MBTD1: variants seen among roughly 807,000 people sequenced by gnomAD.
The protein encoded by MBTD1 is MBT domain-containing protein 1.
A neutral mutation model predicts 87.8 loss-of-function variants in MBTD1; 24 were observed. The ratio of observed to expected loss-of-function variants is 0.27; its 90% CI spans 0.20 to 0.38. The LOEUF (loss-of-function observed/expected upper bound fraction) is 0.38. Among genes scored for constraint, MBTD1 ranks in the 10% least tolerant of loss-of-function variants. The pLI is 1.00. For missense variants in MBTD1, 436 were observed against 760.2 expected, an observed-to-expected ratio of 0.57 and a Z score of 5.02; for synonymous variants, 237 against 248.6, an observed-to-expected ratio of 0.95 and a Z score of 0.44.
chr17:51,188,540 C>A (rs1406108792), intron 16 of MBTD1, among the ~76,000 whole-genome samples: 3 of 152,096 alleles, frequency 2.0e-5, no homozygotes, highest in East Asian at 1.9e-4. Flanking sequence ...GGTTTTATAG[C>A]CCATCTGGTA....
chr17:51,209,951 G>C (rs938781334), intron 6 of MBTD1, among the ~76,000 whole-genome samples: 1 of 152,072 alleles, frequency 6.6e-6, no homozygotes, highest in Non-Finnish European at 1.5e-5. Context: ...AGAATTTTCT[G>C]GTAGAAAGTA....
chr17:51,179,484 T>TATATATATATATATTTTTA lies in MBTD1; in HGVS notation c.*1091_*1092insTAAAAATATATATATATAT, dbSNP rs60957699. ...ATCCTGAATACAATTAAAGACAATT[T>TATATATATATATATTTTTA]TATATATATATATATATATATATAT... is the stretch of plus-strand genomic sequence containing the variant. On this transcript the variant is annotated 3_prime_UTR_variant, in exon 17 of 17. Transcript: ENST00000586178. 2.8e-4 allele frequency: 10 copies of TATATATATATATATTTTTA among 35,290 alleles called. No homozygotes were observed. Among genetic ancestry groups the TATATATATATATATTTTTA allele is most frequent in the Non-Finnish European group, 4.7e-4 (8 of 17,010 alleles). The allele number at this position is 35,290 out of a possible 1,614,324, so 2.2% of individuals were successfully genotyped here. A position where few individuals can be genotyped will look rare whatever the true frequency, so the allele number is the denominator to read the frequency against.
chr17:51,252,738 A>AG (rs1555700204), intron 2 of MBTD1, among the ~76,000 whole-genome samples: 1 of 151,520 alleles, frequency 6.6e-6, no homozygotes, highest in African/African-American at 2.4e-5. Context: ...TGTCTCAAAA[A>AG]AAAACAAAAC....
chr17:51,211,138 TA>T (rs955340550), intron 6 of MBTD1, among the ~76,000 whole-genome samples: 5 of 45,484 alleles, frequency 1.1e-4, no homozygotes, highest in Non-Finnish European at 1.9e-4. Context: ...CTACATCTCA[TA>T]AAAAAAAAAG....
chr17:51,257,098 A>C (rs186262939), intron 2 of MBTD1, among the ~76,000 whole-genome samples: 182 of 152,362 alleles, frequency 1.2e-3, no homozygotes, highest in Non-Finnish European at 2.1e-3. Context: ...ATCTATGTGC[A>C]ATTTTTGCCT....
chr17:51,223,895 T>C lies in MBTD1; in HGVS notation c.154+1113A>G, dbSNP rs2053062585. Among the ~76,000 whole-genome samples, 4 of 152,192 alleles carry C rather than the reference T, an allele frequency of 2.6e-5. No individual in the cohort carries two copies. The South Asian group carries it at 8.3e-4, about 32-fold the overall frequency. On this transcript the variant is annotated intron_variant, in intron 3 of 16. Transcript: ENST00000586178. ...GTAAGAAAAAGGTTATATAGAGAGATCCAAAGTCCTACATCTTGGGTTTAA... is the reference window on the plus strand; with the variant it reads ...GTAAGAAAAAGGTTATATAGAGAGACCCAAAGTCCTACATCTTGGGTTTAA...
At chr17:51,214,155 C>T (rs2052433293) in intron 6 of MBTD1, among the ~76,000 whole-genome samples, 1 of 149,044 alleles carries the variant, frequency 6.7e-6, no homozygotes, top group African/African-American at 2.5e-5. Context: ...TTTGTAGAGA[C>T]AAGGTCTTGC....
At chr17:51,234,311 T>C (rs2053701873) in intron 2 of MBTD1, among the ~76,000 whole-genome samples, 1 of 148,274 alleles carries the variant, frequency 6.7e-6, no homozygotes, top group Non-Finnish European at 1.5e-5. Context: ...GAAAATCGCT[T>C]GAACCCGGGA....
At chr17:51,217,194 TATA>T in intron 6 of MBTD1, 137 bp downstream of exon 6, 1 of 541,622 alleles carries the variant, frequency 1.8e-6, no homozygotes, top group South Asian at 2.7e-5. Context: ...TATTATTAAG[TATA>T]ATAATAAAAG....
intron 16 of MBTD1, among the ~76,000 whole-genome samples, chr17:51,190,750 A>AAAAAAAT (rs1555677185): frequency 7.1e-4 from 28 of 39,702 alleles, no homozygotes; most frequent in African/African-American, 2.1e-3. Context: ...AAAAAAAAAA[A>AAAAAAAT]ATATATATAT....
chr17:51,253,056 T>C (rs2054887268), intron 2 of MBTD1, among the ~76,000 whole-genome samples: 1 of 152,116 alleles, frequency 6.6e-6, no homozygotes, highest in Non-Finnish European at 1.5e-5. Context: ...TGTTTAATTA[T>C]TGTACTATCA....
At chr17:51,260,443 G>T (rs1330858801), upstream of MBTD1, 3 of 887,540 alleles carry the variant, frequency 3.4e-6, no homozygotes, top group African/African-American at 5.3e-5. Context: ...TACGTAGAGG[G>T]AGGGAGTGCT....
chr17:51,257,017 CAAG>C (rs2055129440), intron 2 of MBTD1, among the ~76,000 whole-genome samples: 1 of 152,102 alleles, frequency 6.6e-6, no homozygotes, highest in Non-Finnish European at 1.5e-5. Context: ...TCCAGCAAAG[CAAG>C]AAGAGAAATC....
At chr17:51,189,973 C>CG (rs1478460679) in intron 16 of MBTD1, among the ~76,000 whole-genome samples, 4 of 152,162 alleles carry the variant, frequency 2.6e-5, no homozygotes, top group Non-Finnish European at 5.9e-5. Flanking sequence ...TGCCTATAAA[C>CG]GAGAGGTCAA....
upstream of MBTD1, chr17:51,260,428 G>T (rs1283014251): frequency 5.1e-6 from 4 of 783,728 alleles, no homozygotes; most frequent in Non-Finnish European, 4.0e-6. Flanking sequence ...TAGGGGAGCG[G>T]GAGTTACGTA....
At chr17:51,205,999 T>C (rs2051805538) in intron 7 of MBTD1, among the ~76,000 whole-genome samples, 1 of 152,160 alleles carries the variant, frequency 6.6e-6, no homozygotes, top group African/African-American at 2.4e-5. Flanking sequence ...AATGCCCTAC[T>C]ACACTACTCA....
chr17:51,190,430 A>G (rs2050738799), intron 16 of MBTD1, among the ~76,000 whole-genome samples: 1 of 152,038 alleles, frequency 6.6e-6, no homozygotes, highest in African/African-American at 2.4e-5. Context: ...ATCTTTAAAT[A>G]AAAATTGGCC....
chr17:51,209,496 A>G (rs2052044279), intron 6 of MBTD1: 3 of 470,844 alleles, frequency 6.4e-6, no homozygotes, highest in Middle Eastern at 6.5e-4. Flanking sequence ...GGGGTCCCCA[A>G]CACAAATGTA....
At position 51,203,235 on chromosome 17, in the gene MBTD1, T is replaced by A. The variant is rs768149996; in HGVS notation, c.740-7A>T. 1 of 1,415,778 alleles carries A rather than the reference T, an allele frequency of 7.1e-7. No homozygotes were observed. The allele number at this position is 1,415,778 out of a possible 1,614,324, so 87.7% of individuals were successfully genotyped here. ...GTATATTTATGCTGAATAGCTAAAA[T>A]AGAAGAAATAATCAGTTATACTTTA... On this transcript the variant is annotated splice_region_variant and splice_polypyrimidine_tract_variant and intron_variant, in intron 8 of 16. Coordinates refer to ENST00000586178, the MANE Select transcript of MBTD1 (RefSeq NM_017643.3).
Sources: allele counts gnomAD v4.1 joint callset (sites outside exome capture counted in the v4.1 genomes callset), GRCh38; gene constraint gnomAD v4.1.1; transcripts MANE v1.5; gene names NCBI Gene and HGNC (gene_info 2026-07-23, HGNC 2026-07-21).